The following EBF2 variants were observed in gnomAD, a reference collection of about 807,000 sequenced individuals.
EBF2 encodes the protein transcription factor COE2.
A neutral mutation model predicts 72.8 loss-of-function variants in EBF2; 21 were observed. The observed-to-expected ratio is 0.29, with a 90% CI of 0.20 to 0.42. The LOEUF (loss-of-function observed/expected upper bound fraction) is 0.42, where lower values mean the gene tolerates loss of function less well. Among genes scored for constraint, EBF2 ranks in the 10% least tolerant of loss-of-function variants. EBF2 has a pLI of 1.00. For missense variants in EBF2, 637 were observed against 731.2 expected, an observed-to-expected ratio of 0.87 and a Z score of 1.49; for synonymous variants, 299 against 274.2, an observed-to-expected ratio of 1.09 and a Z score of -0.89.
Position 25,886,846 on chromosome 8 carries a change from A to G in EBF2, c.918T>C (p.Pro306=). The G allele has an allele frequency of 1.2e-6, 2 of 1,613,398 alleles. No individual in the cohort carries two copies. Among genetic ancestry groups the G allele is most frequent in the Non-Finnish European group, 1.7e-6 (2 of 1,179,664 alleles). The part of the protein sequence containing the change: ...ITPHAIRVQT[P]PRHIPGVVEV... ...CTACCACGCCTGGGATGTGCCGGGG[A>G]GGAGTCTGTACTCTGATGGCATGAG... The change falls in exon 10 of 16, where the codon CCT becomes CCC. Residue 306 remains proline (P), a synonymous_variant. Transcript: ENST00000520164.
chr8:25,862,642 G>T (rs1802230909), intron 11 of EBF2, 67 bp downstream of exon 11: 3 of 1,323,660 alleles, frequency 2.3e-6, no homozygotes, highest in Non-Finnish European at 3.1e-6. Context: ...GTAAATGCCT[G>T]CATTTGTCTA....
chr8:25,961,785 C>T (rs1436339833), intron 6 of EBF2, among the ~76,000 whole-genome samples: 2 of 152,168 alleles, frequency 1.3e-5, no homozygotes, highest in Non-Finnish European at 1.5e-5. Context: ...GGAAGGGGCT[C>T]AAGCGCCAGG....
At chr8:25,979,993 AG>A (rs780217481) in intron 6 of EBF2, among the ~76,000 whole-genome samples, 6 of 152,272 alleles carry the variant, frequency 3.9e-5, no homozygotes, top group East Asian at 1.9e-4. Flanking sequence ...AAAAATGAAA[AG>A]GAAAAAAAAA....
At chr8:25,857,021 C>T (rs1802108206) in intron 14 of EBF2, among the ~76,000 whole-genome samples, 1 of 152,098 alleles carries the variant, frequency 6.6e-6, no homozygotes, top group South Asian at 2.1e-4. Flanking sequence ...AATAATTCCC[C>T]CAAACACTTT....
At chr8:25,916,454 C>A (rs1803218285) in intron 6 of EBF2, among the ~76,000 whole-genome samples, 1 of 152,064 alleles carries the variant, frequency 6.6e-6, no homozygotes, top group Non-Finnish European at 1.5e-5. Context: ...TACGTATGAT[C>A]CCTTCCCATG....
chr8:25,974,743 C>T lies in EBF2; in HGVS notation c.551+58342G>A, dbSNP rs1256114675. ...CTGCTTTCCTTCCTGCCAAACTCCC[C>T]CTGCCCCCCCATCCTACTGTAGCCA... On this transcript the variant is annotated intron_variant, in intron 6 of 15. Transcript: ENST00000520164. Among the ~76,000 whole-genome samples, 10 of 152,240 alleles carry T rather than the reference C, an allele frequency of 6.6e-5. No homozygotes were observed. The South Asian group carries it at 2.1e-3, about 32-fold the overall frequency.
intron 6 of EBF2, among the ~76,000 whole-genome samples, chr8:25,989,700 G>T (rs1376709625): frequency 6.6e-6 from 1 of 152,210 alleles, no homozygotes; most frequent in African/African-American, 2.4e-5. Context: ...GCAATTGAAA[G>T]ACATTGTGTA....
intron 6 of EBF2, among the ~76,000 whole-genome samples, chr8:26,022,007 G>C (rs1364141536): frequency 2.0e-5 from 3 of 152,198 alleles, no homozygotes; most frequent in African/African-American, 7.2e-5. Context: ...ACTGATTATA[G>C]TAAAGTGAAA....
chr8:25,958,796 C>T (rs1803990339), intron 6 of EBF2, among the ~76,000 whole-genome samples: 1 of 152,214 alleles, frequency 6.6e-6, no homozygotes, highest in Non-Finnish European at 1.5e-5. Flanking sequence ...AGTGTTTACA[C>T]TAAGGCCCAG....
chr8:26,010,801 C>A (rs1178961167), intron 6 of EBF2, among the ~76,000 whole-genome samples: 5 of 152,224 alleles, frequency 3.3e-5, no homozygotes, highest in Non-Finnish European at 4.4e-5. Context: ...CCTGCAGATA[C>A]ATCAGACCCA....
chr8:26,019,431 T>A (rs866437421), intron 6 of EBF2, among the ~76,000 whole-genome samples: 2 of 152,202 alleles, frequency 1.3e-5, no homozygotes, highest in African/African-American at 4.8e-5. Flanking sequence ...ATCCAAGCAA[T>A]TGGACTTCTG....
chr8:25,932,750 G>C (rs1313219545), intron 6 of EBF2, among the ~76,000 whole-genome samples: 1 of 152,074 alleles, frequency 6.6e-6, no homozygotes, highest in Non-Finnish European at 1.5e-5. Context: ...ATTGACAGTC[G>C]TTAGAATATT....
At chr8:25,917,312 T>C (rs1192115104) in intron 6 of EBF2, among the ~76,000 whole-genome samples, 1 of 152,056 alleles carries the variant, frequency 6.6e-6, no homozygotes, top group Non-Finnish European at 1.5e-5. Context: ...GAAAAGTCCT[T>C]GTTTTTGTAC....
intron 6 of EBF2, among the ~76,000 whole-genome samples, chr8:25,919,779 G>A (rs1803278789): frequency 6.6e-6 from 1 of 152,186 alleles, no homozygotes; most frequent in African/African-American, 2.4e-5. Flanking sequence ...ATGTTCATGT[G>A]AGCTGCCTTC....
rs979066304 is a variant in EBF2 at position 25,842,427 on chromosome 8, C to T, written c.*2182G>A. The T allele has an allele frequency of 6.6e-6, 1 of 152,138 alleles. No individual in the cohort carries two copies. The highest frequency in any genetic ancestry group is 2.4e-5 in the African/African-American group (1 of 41,434). 9.4% of individuals were successfully genotyped at this position (152,138 alleles called of 1,614,324 possible). A position where few individuals can be genotyped will look rare whatever the true frequency, so the allele number is the denominator to read the frequency against. On this transcript the variant is annotated 3_prime_UTR_variant, in exon 16 of 16. Coordinates refer to ENST00000520164, the MANE Select transcript of EBF2 (RefSeq NM_022659.4). Reference sequence around the variant, plus strand: ...CATCTTCATGCAAAAGGAAAATTCACAGGTTCTAAAAGCAATGCTACTTAA... The same window carrying T: ...CATCTTCATGCAAAAGGAAAATTCATAGGTTCTAAAAGCAATGCTACTTAA...
intron 7 of EBF2, among the ~76,000 whole-genome samples, chr8:25,895,784 T>C (rs937226753): frequency 6.6e-6 from 1 of 152,188 alleles, no homozygotes; most frequent in Non-Finnish European, 1.5e-5. Flanking sequence ...AATTTTCCAA[T>C]AGAGGAGTTA....
chr8:25,880,937 G>A (rs1232136034), intron 10 of EBF2, among the ~76,000 whole-genome samples: 8 of 151,926 alleles, frequency 5.3e-5, no homozygotes, highest in Non-Finnish European at 1.2e-4. Context: ...TTTCAACTCT[G>A]AAACATGAGT....
intron 10 of EBF2, among the ~76,000 whole-genome samples, chr8:25,864,914 C>T (rs1802280697): frequency 6.6e-6 from 1 of 151,758 alleles, no homozygotes; most frequent in Non-Finnish European, 1.5e-5. Context: ...TCTCCTGCTT[C>T]AGCCTCTTGA....
In EBF2 at chr8:25,929,968, C is replaced by T. The variant is rs139722766; in HGVS notation, c.552-21413G>A. Among the ~76,000 whole-genome samples the T allele has an allele frequency of 1.7e-3, 258 of 152,090 alleles. 6 individuals are homozygous for T. The East Asian group carries it at 0.032, about 19-fold the overall frequency. ...ACTTTAGGGTGGCTGATGCGGGAGC[C>T]GAATGGAGAACAAAATAATGAGGCA... On this transcript the variant is annotated intron_variant, in intron 6 of 15. Coordinates refer to ENST00000520164, the MANE Select transcript of EBF2 (RefSeq NM_022659.4).
Sources: gnomAD v4.1 joint callset for allele counts (sites outside exome capture counted in the v4.1 genomes callset) on GRCh38, gnomAD v4.1.1 for gene constraint, MANE v1.5 for transcripts, NCBI Gene and HGNC (gene_info 2026-07-23, HGNC 2026-07-21) for gene names.